Variants in COL22A1 observed in about 807,000 individuals in gnomAD.
COL22A1 encodes collagen alpha-1(XXII) chain.
Under a neutral mutation model 248.9 loss-of-function variants are expected in COL22A1, and 221 were observed. That is an observed-to-expected ratio of 0.89 (90% CI 0.80 to 0.99). The LOEUF is 0.99. Ranked by LOEUF, COL22A1 falls within the 50% of genes least tolerant of loss-of-function variation. The probability of loss-of-function intolerance (pLI) is 0.00; values close to 1 mark genes in which losing one functional copy is unlikely to be tolerated. For missense variants in COL22A1, 2,240 were observed against 2,179.0 expected, an observed-to-expected ratio of 1.03 and a Z score of -0.56; for synonymous variants, 891 against 793.4, an observed-to-expected ratio of 1.12 and a Z score of -2.07.
At chr8:138,807,963 C>G (rs772133900) in intron 9 of COL22A1, 151 bp from the exon 10 acceptor site, 125 of 728,534 alleles carry the variant, frequency 1.7e-4, no homozygotes, top group Non-Finnish European at 2.7e-4. Flanking sequence ...AATTGGTTGA[C>G]TGTGCTGAAA....
chr8:138,672,945 T>G (rs933881551), intron 41 of COL22A1, among the ~76,000 whole-genome samples: 1 of 152,216 alleles, frequency 6.6e-6, no homozygotes, highest in African/African-American at 2.4e-5. Context: ...GCTCATTTTG[T>G]AAGCAACTTA....
At chr8:138,614,077 T>C (rs1172948074) in intron 55 of COL22A1, among the ~76,000 whole-genome samples, 157 bp from the exon 56 acceptor site, 3 of 152,238 alleles carry the variant, frequency 2.0e-5, no homozygotes, top group African/African-American at 4.8e-5. Flanking sequence ...ATTCCAAATA[T>C]GGACAAACTC....
At chr8:138,894,685 T>C (rs1193914382) in intron 1 of COL22A1, among the ~76,000 whole-genome samples, 1 of 152,086 alleles carries the variant, frequency 6.6e-6, no homozygotes, top group Non-Finnish European at 1.5e-5. Flanking sequence ...GTATCAGTGT[T>C]TAGGCAAGAG....
intron 22 of COL22A1, among the ~76,000 whole-genome samples, chr8:138,746,075 T>C (rs1832082470): frequency 6.6e-6 from 1 of 152,244 alleles, no homozygotes; most frequent in Non-Finnish European, 1.5e-5. Context: ...CGCTCTCAAT[T>C]CCCCCTTTTA....
At chr8:138,757,274 C>A (rs1410071430) in intron 18 of COL22A1, among the ~76,000 whole-genome samples, 1 of 151,352 alleles carries the variant, frequency 6.6e-6, no homozygotes, top group African/African-American at 2.4e-5. Flanking sequence ...CTTGGTAATA[C>A]AGGATTGTTA....
chr8:138,823,563 G>A (rs1429190403), intron 6 of COL22A1, among the ~76,000 whole-genome samples: 2 of 152,232 alleles, frequency 1.3e-5, no homozygotes, highest in Admixed American at 1.3e-4. Context: ...GCACCACCAT[G>A]CCCAGCTAAT....
At chr8:138,747,442 C>T (rs1832213464) in intron 22 of COL22A1, among the ~76,000 whole-genome samples, 1 of 152,144 alleles carries the variant, frequency 6.6e-6, no homozygotes, top group African/African-American at 2.4e-5. Context: ...CCCACAAGGC[C>T]TGAAAGGAAG....
chr8:138,803,084 C>A (rs1368731564), intron 10 of COL22A1, 150 bp from the exon 11 acceptor site: 6 of 694,316 alleles, frequency 8.6e-6, no homozygotes, highest in African/African-American at 3.5e-5. Flanking sequence ...ACATGTCCCA[C>A]CCCTGGAGAG....
intron 31 of COL22A1, among the ~76,000 whole-genome samples, chr8:138,701,743 A>G (rs2130984237): frequency 6.6e-6 from 1 of 152,328 alleles, no homozygotes; most frequent in East Asian, 1.9e-4. Flanking sequence ...CCACAGAATG[A>G]AGTTCAAGCT....
intron 5 of COL22A1, among the ~76,000 whole-genome samples, chr8:138,830,190 C>A (rs969461169): frequency 2.0e-5 from 3 of 152,198 alleles, no homozygotes; most frequent in African/African-American, 7.2e-5. Context: ...GCCTCTGCTT[C>A]TTCTGACCTG....
chr8:138,763,189 C>T (rs768971279), intron 16 of COL22A1, among the ~76,000 whole-genome samples: 5 of 152,122 alleles, frequency 3.3e-5, no homozygotes, highest in Non-Finnish European at 7.4e-5. Flanking sequence ...GAGTTATAGA[C>T]CAGCCTGGCC....
chr8:138,901,642 C>A (rs1469524313), intron 1 of COL22A1, among the ~76,000 whole-genome samples: 1 of 152,114 alleles, frequency 6.6e-6, no homozygotes, highest in Non-Finnish European at 1.5e-5. Flanking sequence ...GCTAGGATTG[C>A]AGGCATGAGC....
At chr8:138,834,547 G>A (rs1172621447) in intron 4 of COL22A1, among the ~76,000 whole-genome samples, 5 of 152,108 alleles carry the variant, frequency 3.3e-5, no homozygotes, top group African/African-American at 1.2e-4. Context: ...TATTAGAACC[G>A]GACAGATCTG....
chr8:138,698,223 G>T (rs938370080), intron 32 of COL22A1, among the ~76,000 whole-genome samples: 11 of 152,212 alleles, frequency 7.2e-5, no homozygotes, highest in African/African-American at 2.7e-4. Context: ...ACCAGTGGAA[G>T]GGACAGGCAG....
chr8:138,616,819 G>A (rs1002742948), intron 54 of COL22A1, 95 bp downstream of exon 54: 89 of 1,415,030 alleles, frequency 6.3e-5, no homozygotes, highest in Admixed American at 5.6e-4. Context: ...CTCGGGTAAG[G>A]CACTGCCATG....
intron 36 of COL22A1, among the ~76,000 whole-genome samples, chr8:138,689,500 G>A (rs1243486749): frequency 6.6e-6 from 1 of 152,154 alleles, no homozygotes; most frequent in East Asian, 1.9e-4. Context: ...CGGATCACTT[G>A]AGGTCAGGAG....
chr8:138,775,876 ACAC>A, intron 16 of COL22A1, 87 bp downstream of exon 16: 1 of 1,206,194 alleles, frequency 8.3e-7, no homozygotes, highest in Non-Finnish European at 1.2e-6. Context: ...GTACACACAC[ACAC>A]GAGCATACAC....
At chr8:138,650,508 C>T (rs6577939) in intron 45 of COL22A1, among the ~76,000 whole-genome samples, 110,585 of 151,980 alleles carry the variant, frequency 0.73, 42,109 homozygotes, top group Middle Eastern at 0.9. Flanking sequence ...CCAAATAAAA[C>T]TCACCTAACT....
chr8:138,726,106 G>A (rs560127534), intron 23 of COL22A1, among the ~76,000 whole-genome samples: 1 of 151,802 alleles, frequency 6.6e-6, no homozygotes, highest in Non-Finnish European at 1.5e-5. Context: ...AGCAGGTACT[G>A]TTAGCAAACA....
Sources: allele counts gnomAD v4.1 joint callset (sites outside exome capture counted in the v4.1 genomes callset), GRCh38; gene constraint gnomAD v4.1.1; transcripts MANE v1.5; gene names NCBI Gene and HGNC (gene_info 2026-07-23, HGNC 2026-07-21).